NEDD4L: variants seen among roughly 807,000 people sequenced by gnomAD.
NEDD4L encodes the protein E3 ubiquitin-protein ligase NEDD4-like.
NEDD4L carries 54 observed loss-of-function variants against 148.9 expected under a neutral mutation model. That is an observed-to-expected ratio of 0.36 (90% confidence interval 0.29 to 0.45). NEDD4L has a LOEUF of 0.45. Among genes scored for constraint, NEDD4L ranks in the 20% least tolerant of loss-of-function variants. The probability of loss-of-function intolerance (pLI) is 1.00; values close to 1 mark genes in which losing one functional copy is unlikely to be tolerated. For synonymous variants in NEDD4L, 433 were observed against 440.7 expected (o/e 0.98, Z 0.22); for missense variants, 856 against 1,233.8 (o/e 0.69, Z 4.59).
chr18:58,343,326 TTTCTC>T (rs2042660311), intron 16 of NEDD4L, among the ~76,000 whole-genome samples: 1 of 152,178 alleles, frequency 6.6e-6, no homozygotes, highest in African/African-American at 2.4e-5. Context: ...GGGACTGCCT[TTTCTC>T]CTGGGAAGCT....
chr18:58,061,592 A>G (rs1330868759), intron 1 of NEDD4L, among the ~76,000 whole-genome samples: 5 of 151,970 alleles, frequency 3.3e-5, no homozygotes, highest in African/African-American at 1.2e-4. Flanking sequence ...ATCCTGAAGG[A>G]CTTGCAGCAG....
chr18:58,339,890 G>C lies in NEDD4L; in HGVS notation c.1126-1148G>C, dbSNP rs1601451271. On this transcript the variant is annotated intron_variant, in intron 13 of 30. Coordinates refer to ENST00000400345, the MANE Select transcript of NEDD4L (RefSeq NM_001144967.3). ...GGAAAAGGTGGCATAAGCACAGGAAGAAGTTAGGTTCAGAGGAAATTTGTA... is the reference window on the plus strand; with the variant it reads ...GGAAAAGGTGGCATAAGCACAGGAACAAGTTAGGTTCAGAGGAAATTTGTA... Among the ~76,000 whole-genome samples, 7 of 152,286 alleles carry C rather than the reference G, an allele frequency of 4.6e-5. No individual in the cohort carries two copies. The South Asian group carries it at 1.2e-3, about 27-fold the overall frequency.
chr18:58,288,453 A>C (rs2054238500), intron 5 of NEDD4L, among the ~76,000 whole-genome samples: 1 of 152,244 alleles, frequency 6.6e-6, no homozygotes, highest in East Asian at 1.9e-4. Flanking sequence ...CATAGGATGC[A>C]AGGTAGGCTG....
chr18:58,353,840 T>G (rs2044239220), intron 18 of NEDD4L, among the ~76,000 whole-genome samples: 1 of 152,220 alleles, frequency 6.6e-6, no homozygotes, highest in Non-Finnish European at 1.5e-5. Flanking sequence ...TATGCCACAA[T>G]GCCGTGAGTG....
chr18:58,087,999 C>T (rs1388001498), intron 1 of NEDD4L, among the ~76,000 whole-genome samples: 1 of 152,232 alleles, frequency 6.6e-6, no homozygotes, highest in African/African-American at 2.4e-5. Context: ...AGTCATTATG[C>T]CCGCTAGGGC....
intron 2 of NEDD4L, among the ~76,000 whole-genome samples, chr18:58,215,148 G>A (rs966857634): frequency 6.6e-6 from 1 of 152,142 alleles, no homozygotes; most frequent in African/African-American, 2.4e-5. Context: ...GAGGGTTTCT[G>A]TAGTTAAGTT....
intron 1 of NEDD4L, among the ~76,000 whole-genome samples, chr18:58,056,313 G>A (rs4286186): frequency 0.75 from 113,766 of 152,166 alleles, 43,008 homozygotes; most frequent in East Asian, 0.98. Context: ...AGAATTGTGA[G>A]GCTTGAGTTG....
intron 5 of NEDD4L, among the ~76,000 whole-genome samples, chr18:58,308,083 A>G (rs2057269682): frequency 6.6e-6 from 1 of 152,236 alleles, no homozygotes; most frequent in South Asian, 2.1e-4. Context: ...ACAAAATTAA[A>G]CAATATTATA....
At chr18:58,233,309 T>G (rs1170349959) in intron 2 of NEDD4L, among the ~76,000 whole-genome samples, 1 of 152,212 alleles carries the variant, frequency 6.6e-6, no homozygotes, top group Non-Finnish European at 1.5e-5. Flanking sequence ...GACTGGGTCA[T>G]TTATAAAGAA....
chr18:58,090,925 C>G (rs2084038906), intron 1 of NEDD4L: 2 of 152,212 alleles, frequency 1.3e-5, no homozygotes, highest in African/African-American at 4.8e-5. Context: ...GTCTTTGAGT[C>G]CAACAACCAA....
chr18:58,176,198 TCA>T (rs1599378352), intron 2 of NEDD4L, among the ~76,000 whole-genome samples: 1 of 152,104 alleles, frequency 6.6e-6, no homozygotes, highest in Non-Finnish European at 1.5e-5. Context: ...TTTCTCTCTC[TCA>T]CTCTCCCCCT....
intron 2 of NEDD4L, among the ~76,000 whole-genome samples, chr18:58,209,024 T>C (rs1338532708): frequency 6.6e-6 from 1 of 151,978 alleles, no homozygotes; most frequent in Non-Finnish European, 1.5e-5. Context: ...TGGTTAGTTT[T>C]TTAAGCCTGA....
intron 23 of NEDD4L, among the ~76,000 whole-genome samples, chr18:58,370,720 G>GTA (rs1452243146): frequency 6.6e-6 from 1 of 152,206 alleles, no homozygotes; most frequent in African/African-American, 2.4e-5. Context: ...CCCGGCATAG[G>GTA]ACTTGTGTGA....
intron 9 of NEDD4L, among the ~76,000 whole-genome samples, chr18:58,325,546 T>G (rs1454763951): frequency 6.6e-6 from 1 of 152,238 alleles, no homozygotes; most frequent in African/African-American, 2.4e-5. Context: ...CAAATTGGCT[T>G]TGCAATTTTC....
At chr18:58,282,758 A>C (rs1441916499) in intron 5 of NEDD4L, among the ~76,000 whole-genome samples, 2 of 152,214 alleles carry the variant, frequency 1.3e-5, no homozygotes, top group African/African-American at 4.8e-5. Flanking sequence ...CCCTAATAAT[A>C]TAGAAAAAAG....
chr18:58,248,748 G>C (rs1253432538), intron 3 of NEDD4L, 151 bp from the exon 4 acceptor site: 1 of 493,286 alleles, frequency 2.0e-6, no homozygotes, highest in Non-Finnish European at 3.6e-6. Flanking sequence ...CTCCAGTTTG[G>C]TTTGTACGCT....
intron 24 of NEDD4L, among the ~76,000 whole-genome samples, chr18:58,376,987 C>G (rs2047652119): frequency 6.6e-6 from 1 of 152,228 alleles, no homozygotes; most frequent in Admixed American, 6.5e-5. Flanking sequence ...TGACCCAGAC[C>G]CTATGCATCT....
chr18:58,277,647 G>A (rs1478801340), intron 5 of NEDD4L, among the ~76,000 whole-genome samples: 1 of 152,022 alleles, frequency 6.6e-6, no homozygotes, highest in Non-Finnish European at 1.5e-5. Flanking sequence ...GACTGTTTCT[G>A]GGGTTCTGCA....
Position 58,389,067 on chromosome 18 carries a change from G to C in NEDD4L, c.2548-18G>C, listed in dbSNP as rs2049438213. ...CCTTTCACATCCTGCTTTTACATCT[G>C]GTAAATTTTCTTCCTAGTTGCTCAT... On this transcript the variant is annotated intron_variant, in intron 27 of 30. Transcript: ENST00000400345. The C allele has an allele frequency of 6.2e-7, 1 of 1,601,848 alleles. No individual in the cohort carries two copies. The highest frequency in any genetic ancestry group is 1.3e-5 in the African/African-American group (1 of 74,774).
Sources: allele counts gnomAD v4.1 joint callset (sites outside exome capture counted in the v4.1 genomes callset), GRCh38; gene constraint gnomAD v4.1.1; transcripts MANE v1.5; gene names NCBI Gene and HGNC (gene_info 2026-07-23, HGNC 2026-07-21).